Variants in CHST11 observed in about 807,000 individuals in gnomAD.
CHST11 encodes the protein C4S-1.
A neutral mutation model predicts 30.4 loss-of-function variants in CHST11; 9 were observed. That is an observed-to-expected ratio of 0.30 (90% CI 0.18 to 0.52). The LOEUF (loss-of-function observed/expected upper bound fraction) is 0.52, where lower values mean the gene tolerates loss of function less well. Ranked by LOEUF, CHST11 falls within the 20% of genes least tolerant of loss-of-function variation. The pLI is 0.97. For missense variants in CHST11, 348 were observed against 460.6 expected, an observed-to-expected ratio of 0.76 and a Z score of 2.24; for synonymous variants, 152 against 187.8, an observed-to-expected ratio of 0.81 and a Z score of 1.56.
intron 2 of CHST11, among the ~76,000 whole-genome samples, chr12:104,617,208 G>T (rs1467951948): frequency 6.6e-6 from 1 of 152,172 alleles, no homozygotes; most frequent in East Asian, 1.9e-4. Flanking sequence ...GTCCAGCCTG[G>T]GTGGTGTCCC....
At chr12:104,732,166 C>T (rs1174680473) in intron 2 of CHST11, among the ~76,000 whole-genome samples, 1 of 152,236 alleles carries the variant, frequency 6.6e-6, no homozygotes, top group Admixed American at 6.5e-5. Flanking sequence ...AGGTTATGGC[C>T]ATGCCCTGTG....
rs12579153 is a variant in CHST11 at position 104,659,152 on chromosome 12, A to G, written c.204+57161A>G. On this transcript the variant is annotated intron_variant, in intron 2 of 2. Transcript: ENST00000303694. ...TGATGTGTCTGGATCCGTGCTCAAG[A>G]ACTGGGATGATGCCATGGATAAGAG... 9.2e-3 allele frequency among the ~76,000 whole-genome samples: 1,403 copies of G among 152,282 alleles called. 80 individuals carry two copies. In the East Asian group the frequency reaches 0.14, roughly 15 times the overall value.
At chr12:104,563,179 T>C (rs1332046752) in intron 1 of CHST11, among the ~76,000 whole-genome samples, 1 of 152,192 alleles carries the variant, frequency 6.6e-6, no homozygotes, top group Non-Finnish European at 1.5e-5. Context: ...TAGCTGGGAT[T>C]ACAGGCGCTC....
intron 2 of CHST11, among the ~76,000 whole-genome samples, chr12:104,739,113 C>T (rs921643138): frequency 9.9e-5 from 15 of 152,182 alleles, no homozygotes; most frequent in Non-Finnish European, 1.6e-4. Flanking sequence ...GAACCAACGC[C>T]GGTGTGTGCC....
chr12:104,574,625 C>T (rs549602893), intron 1 of CHST11, among the ~76,000 whole-genome samples: 132 of 151,952 alleles, frequency 8.7e-4, no homozygotes, highest in African/African-American at 3.0e-3. Context: ...AACCAAACAC[C>T]GCATGTTCTC....
At chr12:104,605,535 C>T (rs1814145363) in intron 2 of CHST11, among the ~76,000 whole-genome samples, 1 of 152,090 alleles carries the variant, frequency 6.6e-6, no homozygotes, top group Non-Finnish European at 1.5e-5. Context: ...GCGGAGATTG[C>T]GCCACTGCAG....
At chr12:104,568,335 C>T (rs530841673) in intron 1 of CHST11, among the ~76,000 whole-genome samples, 1 of 152,312 alleles carries the variant, frequency 6.6e-6, no homozygotes, top group African/African-American at 2.4e-5. Context: ...TGGCCCCCCT[C>T]CCACTGTCCT....
intron 1 of CHST11, among the ~76,000 whole-genome samples, chr12:104,471,185 T>G (rs1374121927): frequency 6.6e-6 from 1 of 152,168 alleles, no homozygotes; most frequent in Non-Finnish European, 1.5e-5. Flanking sequence ...TGTGTGTACA[T>G]CTCTAATATT....
chr12:104,751,672 A>G (rs1592875139), intron 2 of CHST11, among the ~76,000 whole-genome samples: 2 of 152,342 alleles, frequency 1.3e-5, no homozygotes, highest in East Asian at 3.9e-4. Flanking sequence ...GTTTTGTGCC[A>G]TACCTTGTCC....
At position 104,482,096 on chromosome 12, in the gene CHST11, C is replaced by T. The variant is rs182532478; in HGVS notation, c.118+24567C>T. On this transcript the variant is annotated intron_variant, in intron 1 of 2. Transcript: ENST00000303694. ...AAACTCCTGACCTCAAGCGATCCACCCACCTCAGCCTCCCCAGGATTGTTT... is the reference window on the plus strand; with the variant it reads ...AAACTCCTGACCTCAAGCGATCCACTCACCTCAGCCTCCCCAGGATTGTTT... Among the ~76,000 whole-genome samples the T allele has an allele frequency of 5.9e-5, 9 of 152,204 alleles. No homozygotes were observed. The East Asian group carries it at 1.5e-3, about 26-fold the overall frequency.
intron 1 of CHST11, among the ~76,000 whole-genome samples, chr12:104,499,476 C>CT (rs1420283735): frequency 6.6e-6 from 1 of 152,176 alleles, no homozygotes; most frequent in Non-Finnish European, 1.5e-5. Flanking sequence ...GGGCCATTAA[C>CT]TTTATGTAGT....
chr12:104,494,152 G>C (rs190469241), intron 1 of CHST11, among the ~76,000 whole-genome samples: 5 of 152,310 alleles, frequency 3.3e-5, no homozygotes, highest in African/African-American at 1.2e-4. Flanking sequence ...CCCATCCACA[G>C]TCACGAGGAC....
chr12:104,541,126 T>G (rs112751607), intron 1 of CHST11, among the ~76,000 whole-genome samples: 13 of 130,636 alleles, frequency 1.0e-4, no homozygotes, highest in African/African-American at 3.5e-4. Context: ...TCTCTCTCTC[T>G]CTCTCACACA....
At chr12:104,504,230 C>T (rs558181894) in intron 1 of CHST11, among the ~76,000 whole-genome samples, 170 of 152,312 alleles carry the variant, frequency 1.1e-3, no homozygotes, top group African/African-American at 3.8e-3. Flanking sequence ...AGTTTTGCAG[C>T]GGCAGAAAAG....
intron 2 of CHST11, among the ~76,000 whole-genome samples, chr12:104,731,652 C>T (rs993249972): frequency 6.6e-6 from 1 of 152,234 alleles, no homozygotes; most frequent in Admixed American, 6.5e-5. Context: ...CGGGCCTCAG[C>T]GTTTCCATCT....
chr12:104,501,662 G>A (rs568866376), intron 1 of CHST11, among the ~76,000 whole-genome samples: 22 of 152,208 alleles, frequency 1.4e-4, no homozygotes, highest in Non-Finnish European at 2.5e-4. Flanking sequence ...TCAGCCGAGA[G>A]CCTGGTCTGG....
intron 2 of CHST11, among the ~76,000 whole-genome samples, chr12:104,721,175 C>G (rs769370812): frequency 6.6e-6 from 1 of 152,190 alleles, no homozygotes; most frequent in Non-Finnish European, 1.5e-5. Context: ...GGCCCCATCC[C>G]CATCCCCATC....
intron 1 of CHST11, among the ~76,000 whole-genome samples, chr12:104,596,692 G>T (rs1383194161): frequency 6.6e-6 from 1 of 152,030 alleles, no homozygotes; most frequent in Non-Finnish European, 1.5e-5. Flanking sequence ...AACTTAAAGT[G>T]TTTTTTTATG....
chr12:104,675,907 A>C (rs544879567), intron 2 of CHST11, among the ~76,000 whole-genome samples: 18 of 152,144 alleles, frequency 1.2e-4, no homozygotes, highest in Non-Finnish European at 1.8e-4. Flanking sequence ...TGCTCGGAGA[A>C]GGTGGGGGCT....
Sources: allele counts gnomAD v4.1 joint callset (sites outside exome capture counted in the v4.1 genomes callset), GRCh38; gene constraint gnomAD v4.1.1; transcripts MANE v1.5; gene names NCBI Gene and HGNC (gene_info 2026-07-23, HGNC 2026-07-21).